Variants in SRPK2 observed in about 807,000 individuals in gnomAD.
SRPK2 encodes SFRS protein kinase 2.
In SRPK2, 21 loss-of-function variants were observed where a neutral mutation model predicts 90.8. That is an observed-to-expected ratio of 0.23 (90% CI 0.16 to 0.33). The LOEUF is 0.33. Among genes scored for constraint, SRPK2 ranks in the 10% least tolerant of loss-of-function variants. The probability of loss-of-function intolerance (pLI) is 1.00; values close to 1 mark genes in which losing one functional copy is unlikely to be tolerated. For synonymous variants in SRPK2, 288 were observed against 311.1 expected, an observed-to-expected ratio of 0.93 and a Z score of 0.78; for missense variants, 620 against 869.0, an observed-to-expected ratio of 0.71 and a Z score of 3.60.
intron 2 of SRPK2, among the ~76,000 whole-genome samples, chr7:105,364,444 T>A (rs1818799522): frequency 6.9e-6 from 1 of 145,580 alleles, no homozygotes; most frequent in South Asian, 2.2e-4. Context: ...ACTGTCACCC[T>A]GGCTGGAGTG....
At chr7:105,352,494 G>A (rs1563274717) in intron 2 of SRPK2, among the ~76,000 whole-genome samples, 1 of 152,216 alleles carries the variant, frequency 6.6e-6, no homozygotes, top group Non-Finnish European at 1.5e-5. Context: ...CCCTGAGCCA[G>A]AACCACCCCA....
chr7:105,243,651 C>A (rs200819481), intron 2 of SRPK2, among the ~76,000 whole-genome samples: 1,556 of 96,430 alleles, frequency 0.016, 46 homozygotes, highest in East Asian at 0.12. Flanking sequence ...AAAAAAAAAA[C>A]CACATGCCAA....
intron 2 of SRPK2, among the ~76,000 whole-genome samples, chr7:105,291,044 CAAAAAAAA>C (rs10684672): frequency 7.9e-4 from 66 of 83,774 alleles, no homozygotes; most frequent in South Asian, 1.5e-3. Flanking sequence ...GACTCCGTCT[CAAAAAAAA>C]AAAAAAAAAA....
rs374720302 is a variant in SRPK2, at chr7:105,329,153, C to A, written c.71+59495G>T. On this transcript the variant is annotated intron_variant, in intron 2 of 15. Transcript: ENST00000393651. ...CCACCTCCCCCAAATTTTTTTCTCC[C>A]ACATTGCCTGAATCTTTATATATTT... is the stretch of plus-strand genomic sequence containing the variant. 8.5e-5 allele frequency among the ~76,000 whole-genome samples: 13 copies of A among 152,192 alleles called. No homozygotes were observed. The East Asian group carries it at 2.5e-3, about 29-fold the overall frequency.
chr7:105,334,017 G>T (rs1814762130), intron 2 of SRPK2, among the ~76,000 whole-genome samples: 1 of 152,046 alleles, frequency 6.6e-6, no homozygotes, highest in African/African-American at 2.4e-5. Context: ...CCGCCTTCCG[G>T]TTTCAAGTCA....
intron 3 of SRPK2, among the ~76,000 whole-genome samples, chr7:105,177,829 T>C (rs1792180385): frequency 6.6e-6 from 1 of 152,092 alleles, no homozygotes; most frequent in Admixed American, 6.6e-5. Flanking sequence ...GAGACCACCC[T>C]GGCTAACACG....
chr7:105,219,167 A>T (rs1797811186), intron 2 of SRPK2, among the ~76,000 whole-genome samples: 2 of 152,100 alleles, frequency 1.3e-5, no homozygotes, highest in Non-Finnish European at 2.9e-5. Flanking sequence ...ACACTCCCAC[A>T]CCTCCAGTGT....
In SRPK2 at chr7:105,316,022, A is replaced by ATT. The variant is rs11330337; in HGVS notation, c.71+72624_71+72625dup. On this transcript the variant is annotated intron_variant, in intron 2 of 15. Transcript: ENST00000393651. ...CTAAACGAAAAGACATCTTTAGGTA[A>ATT]TTTTTTTTTTTTTTTTTTTGAGACT... is the stretch of plus-strand genomic sequence containing the variant. Among the ~76,000 whole-genome samples, 870 of 128,626 alleles carry ATT rather than the reference A, an allele frequency of 6.8e-3. 15 individuals are homozygous for ATT. Among genetic ancestry groups the ATT allele is most frequent in the Middle Eastern group, 0.012 (3 of 244 alleles). 84.4% of individuals were successfully genotyped at this position (128,626 alleles called of 152,430 possible).
chr7:105,233,134 A>AGGAT (rs1799709216), intron 2 of SRPK2, among the ~76,000 whole-genome samples: 1 of 147,994 alleles, frequency 6.8e-6, no homozygotes, highest in Admixed American at 6.7e-5. Context: ...GAAGGAAGGA[A>AGGAT]GGAAGGAAGG....
rs1554435316 is a variant in SRPK2, at chr7:105,170,790, A to AAGGAAGGAC, written c.230-1526_230-1525insGTCCTTCCT. ...AAGGAAGGAAGGAAGGACGGGAGGG[A>AAGGAAGGAC]GGGAGGGAGGGAGGGAGAGAGAGAG... is the stretch of plus-strand genomic sequence containing the variant. On this transcript the variant is annotated intron_variant, in intron 3 of 15. Transcript: ENST00000393651. Among the ~76,000 whole-genome samples the AAGGAAGGAC allele has an allele frequency of 7.7e-4, 54 of 70,422 alleles. 3 individuals are homozygous for AAGGAAGGAC. Among genetic ancestry groups the AAGGAAGGAC allele is most frequent in the African/African-American group, 3.0e-3 (44 of 14,562 alleles). The allele number at this position is 70,422 out of a possible 152,430, so 46.2% of individuals were successfully genotyped here. A position where few individuals can be genotyped will look rare whatever the true frequency, so the allele number is the denominator to read the frequency against.
chr7:105,331,323 A>AC (rs1814329496), intron 2 of SRPK2, among the ~76,000 whole-genome samples: 1 of 131,734 alleles, frequency 7.6e-6, no homozygotes, highest in Non-Finnish European at 1.6e-5. Flanking sequence ...AAAAAAAAAA[A>AC]AAAAAAAAAA....
rs1802195063 is a variant in SRPK2 at position 105,132,711 on chromosome 7, C to T, written c.1752+80G>A. 6.8e-6 allele frequency: 8 copies of T among 1,184,280 alleles called. No homozygotes were observed. In the Admixed American group the frequency reaches 8.8e-5, roughly 13 times the overall value. 73.4% of individuals were successfully genotyped at this position (1,184,280 alleles called of 1,614,324 possible). On this transcript the variant is annotated intron_variant, in intron 13 of 15. Coordinates refer to ENST00000393651, the MANE Select transcript of SRPK2 (RefSeq NM_182692.3). ...AGTCAGAAAAACTGAGGTCGCATGC[C>T]TCAGAGAGACTCAGCCCCATCCAGA...
At chr7:105,347,574 C>T (rs1816616033) in intron 2 of SRPK2, among the ~76,000 whole-genome samples, 1 of 152,044 alleles carries the variant, frequency 6.6e-6, no homozygotes, top group Admixed American at 6.6e-5. Context: ...AGAATTATGG[C>T]TGGGCATGAC....
chr7:105,198,836 G>C (rs1448963364), intron 3 of SRPK2, among the ~76,000 whole-genome samples: 1 of 152,142 alleles, frequency 6.6e-6, no homozygotes, highest in African/African-American at 2.4e-5. Flanking sequence ...AGCCTAAAGA[G>C]AAAGGAATTT....
At chr7:105,163,621 C>A (rs75685805) in intron 6 of SRPK2, among the ~76,000 whole-genome samples, 2 of 152,050 alleles carry the variant, frequency 1.3e-5, no homozygotes, top group East Asian at 3.9e-4. Context: ...ATGGAGAAAT[C>A]CCGTCTCTAA....
At chr7:105,126,073 G>A (rs763439812) in intron 15 of SRPK2, among the ~76,000 whole-genome samples, 175 bp downstream of exon 15, 9 of 152,182 alleles carry the variant, frequency 5.9e-5, no homozygotes, top group Non-Finnish European at 5.9e-5. Context: ...CAGGGTGACC[G>A]CAGCACAGGG....
chr7:105,267,719 A>T lies in SRPK2; in HGVS notation c.72-63934T>A, dbSNP rs377562427. Among the ~76,000 whole-genome samples, 6 of 152,282 alleles carry T rather than the reference A, an allele frequency of 3.9e-5. No individual in the cohort carries two copies. The South Asian group carries it at 1.2e-3, about 32-fold the overall frequency. Reference sequence around the variant, plus strand: ...TTACATCAGATTATGTCCTTCATATACTAGCATACTTTAAATAAATCCATT... The same window carrying T: ...TTACATCAGATTATGTCCTTCATATTCTAGCATACTTTAAATAAATCCATT... On this transcript the variant is annotated intron_variant, in intron 2 of 15. Coordinates refer to ENST00000393651, the MANE Select transcript of SRPK2 (RefSeq NM_182692.3).
At chr7:105,145,125 A>AG (rs1182040903) in intron 9 of SRPK2, among the ~76,000 whole-genome samples, 158 bp downstream of exon 9, 1 of 152,048 alleles carries the variant, frequency 6.6e-6, no homozygotes, top group Non-Finnish European at 1.5e-5. Flanking sequence ...AAAAAAAAAA[A>AG]AATTAACAAG....
At chr7:105,273,683 TGCATTACCAA>T (rs1260041212) in intron 2 of SRPK2, among the ~76,000 whole-genome samples, 1 of 152,288 alleles carries the variant, frequency 6.6e-6, no homozygotes, top group African/African-American at 2.4e-5. Context: ...TCTCTGTATT[TGCATTACCAA>T]ATTACTAAAA....
Sources: allele counts gnomAD v4.1 joint callset (sites outside exome capture counted in the v4.1 genomes callset), GRCh38; gene constraint gnomAD v4.1.1; transcripts MANE v1.5; gene names NCBI Gene and HGNC (gene_info 2026-07-23, HGNC 2026-07-21).